Variants in AP1B1 observed in about 807,000 individuals in gnomAD.
AP1B1 encodes the protein AP-1 complex subunit beta-1.
In AP1B1, 36 loss-of-function variants were observed where a neutral mutation model predicts 104.3. That is an observed-to-expected ratio of 0.35 (90% CI 0.26 to 0.46). The LOEUF is 0.46. AP1B1 is among the 20% of genes least tolerant of loss of function. The pLI is 1.00. For missense variants in AP1B1, 901 were observed against 1,247.9 expected (o/e 0.72, Z 4.19); for synonymous variants, 504 against 517.5 (o/e 0.97, Z 0.35).
chr22:29,329,690 A>T, intron 22 of AP1B1, 22 bp downstream of exon 22: 2 of 1,613,392 alleles, frequency 1.2e-6, no homozygotes, highest in Non-Finnish European at 1.7e-6. Context: ...GCGGACGGGG[A>T]AAGAGAAAGC....
At chr22:29,330,045 T>C in intron 21 of AP1B1, 2 of 1,407,412 alleles carry the variant, frequency 1.4e-6, no homozygotes, top group African/African-American at 2.9e-5. Flanking sequence ...CAGCTGGACA[T>C]GCAGGCACTC....
In AP1B1 at chr22:29,328,915, C is replaced by A. The variant is rs368618656; in HGVS notation, c.2776-20G>T. The A allele has an allele frequency of 5.6e-6, 9 of 1,600,982 alleles. No homozygotes were observed. The highest frequency in any genetic ancestry group is 1.1e-5 in the South Asian group (1 of 88,486). On this transcript the variant is annotated intron_variant, in intron 22 of 22. Transcript: ENST00000357586. This position sits in a 1 kb window ranked among gnomAD's most constrained non-coding sequence, Gnocchi z 4.1. ...GGACAGCTGCAGGGGAGAGAGGGGTCGGGGGAAAGAGCGCTCATCCCTGGG... is the reference window on the plus strand; with the variant it reads ...GGACAGCTGCAGGGGAGAGAGGGGTAGGGGGAAAGAGCGCTCATCCCTGGG...
intron 5 of AP1B1, among the ~76,000 whole-genome samples, chr22:29,357,386 G>A (rs574996737): frequency 1.3e-5 from 2 of 152,000 alleles, no homozygotes; most frequent in Admixed American, 1.3e-4. Context: ...TTGTTTTTGA[G>A]ATTGAGTCTC....
At chr22:29,350,497 C>T (rs1446401510) in intron 9 of AP1B1, among the ~76,000 whole-genome samples, 6 of 152,170 alleles carry the variant, frequency 3.9e-5, no homozygotes, top group Non-Finnish European at 1.5e-5. Context: ...AAGGGGGCTC[C>T]TATGTCCAAA....
chr22:29,344,514 ATTTTTTTTTTT>A (rs35466454), intron 11 of AP1B1, among the ~76,000 whole-genome samples: 20 of 93,810 alleles, frequency 2.1e-4, no homozygotes, highest in South Asian at 1.0e-3. Context: ...CCTGGCCAAG[ATTTTTTTTTTT>A]TTTTTTTTTT....
chr22:29,358,024 A>G (rs1397963968), intron 5 of AP1B1, among the ~76,000 whole-genome samples: 1 of 151,974 alleles, frequency 6.6e-6, no homozygotes, highest in Non-Finnish European at 1.5e-5. Flanking sequence ...ATTGTTTCCA[A>G]CTTTTCTCTG....
chr22:29,341,826 T>C, intron 12 of AP1B1, 66 bp from the exon 13 acceptor site: 5 of 1,534,084 alleles, frequency 3.3e-6, no homozygotes, highest in Non-Finnish European at 4.4e-6. Context: ...GAGACCTTCC[T>C]GCAGCCATGA....
rs185391553 is a variant in AP1B1, at chr22:29,375,208, G to A, written c.-27-7938C>T. Among the ~76,000 whole-genome samples the A allele has an allele frequency of 6.9e-4, 40 of 58,090 alleles. 1 individual carries two copies. Among genetic ancestry groups the A allele is most frequent in the Middle Eastern group, 6.3e-3 (1 of 160 alleles). The allele number at this position is 58,090 out of a possible 152,430, so 38.1% of individuals were successfully genotyped here. On this transcript the variant is annotated intron_variant, in intron 1 of 22. Coordinates refer to ENST00000357586, the MANE Select transcript of AP1B1 (RefSeq NM_001127.4). ...TACTAAAAACACAAAAAAATTAGTC[G>A]GTGTGGTGGCACACGCCTGTAGTCC...
rs1183324698 is a variant in AP1B1, at chr22:29,349,375, C to A, written c.1280G>T (p.Ser427Ile). Reference sequence around the variant, plus strand: ...ATTCTCACACAGTGTGGCAATCACACTCTCATACCTGGGAGACCAGGGCAC... The same window carrying A: ...ATTCTCACACAGTGTGGCAATCACAATCTCATACCTGGGAGACCAGGGCAC... ...IFRKYPNKYE[S>I]VIATLCENLD... Residue 427 changes from serine to isoleucine, a missense_variant, in exon 11 of 23, where the codon AGT becomes ATT. Ser to Ile is a moderately radical substitution (Grantham distance 142). This residue lies in a region of AP1B1 where 471 missense variants were observed against 696.7 expected (regional missense o/e 0.68). Transcript: ENST00000357586. The A allele has an allele frequency of 3.1e-6, 5 of 1,613,764 alleles. No homozygotes were observed. The South Asian group carries it at 5.5e-5, about 18-fold the overall frequency.
At chr22:29,346,320 C>A (rs1170486518) in intron 11 of AP1B1, among the ~76,000 whole-genome samples, 1 of 152,226 alleles carries the variant, frequency 6.6e-6, no homozygotes, top group Non-Finnish European at 1.5e-5. Context: ...GGCAGAAGCA[C>A]ACCCCTACAG....
At chr22:29,329,550 A>C (rs2061525617) in intron 22 of AP1B1, 162 bp downstream of exon 22, 3 of 1,483,924 alleles carry the variant, frequency 2.0e-6, no homozygotes, top group Non-Finnish European at 2.7e-6. Flanking sequence ...AATGTGTGGA[A>C]GTGGGGTGTC....
intron 2 of AP1B1, among the ~76,000 whole-genome samples, chr22:29,365,476 A>T (rs1457369210): frequency 2.0e-5 from 3 of 151,978 alleles, no homozygotes; most frequent in Admixed American, 1.3e-4. Flanking sequence ...TGGGTGACAG[A>T]GACTCTGTCT....
chr22:29,371,101 T>C lies in AP1B1; in HGVS notation c.-27-3831A>G, dbSNP rs74533579. ...CAAAACAAAACACCTCACTTCACCA[T>C]GAATGATTCCCTACCTACAGCTTAG... On this transcript the variant is annotated intron_variant, in intron 1 of 22. Transcript: ENST00000357586. Among the ~76,000 whole-genome samples the C allele has an allele frequency of 7.0e-3, 1,070 of 152,304 alleles. 14 individuals carry two copies. The highest frequency in any genetic ancestry group is 0.024 in the African/African-American group (1,018 of 41,570).
chr22:29,345,538 AT>A (rs34676854), intron 11 of AP1B1, among the ~76,000 whole-genome samples: 2,957 of 132,804 alleles, frequency 0.022, 33 homozygotes, highest in South Asian at 0.047. Context: ...CACCCAGCTA[AT>A]TTTTTTTTTT....
chr22:29,364,497 C>A (rs557982342), intron 2 of AP1B1, among the ~76,000 whole-genome samples: 10 of 152,294 alleles, frequency 6.6e-5, no homozygotes, highest in African/African-American at 2.4e-4. Flanking sequence ...CAGCTCACTG[C>A]AACTTCTGCC....
intron 16 of AP1B1, among the ~76,000 whole-genome samples, chr22:29,335,899 C>A (rs560305543): frequency 1.3e-5 from 2 of 152,162 alleles, no homozygotes; most frequent in Non-Finnish European, 1.5e-5. Context: ...TGAGAGAGTA[C>A]GCAGAAGCTG....
intron 4 of AP1B1, among the ~76,000 whole-genome samples, chr22:29,359,365 C>A (rs2062009349): frequency 6.6e-6 from 1 of 152,164 alleles, no homozygotes. Context: ...CGAGCACGGA[C>A]AGGACTCAGG....
Position 29,356,474 on chromosome 22 carries a change from AG to A in AP1B1, c.667del (p.Leu223TrpfsTer38), listed in dbSNP as rs1337951362. 6.2e-7 allele frequency: 1 copy of A among 1,614,100 alleles called. No homozygotes were observed. Among genetic ancestry groups the A allele is most frequent in the Middle Eastern group, 1.6e-4 (1 of 6,084 alleles). On this transcript the variant is annotated frameshift_variant, in exon 6 of 23. Transcript: ENST00000357586. LOFTEE classifies it high-confidence loss of function. ...ECTEWGQIFILDCLANYMPKD... is the reference protein window; with the variant it reads ...ECTEWGQIFIXDCLANYMPKD... Reference sequence around the variant, plus strand: ...GGGCATATAGTTGGCGAGGCAGTCCAGGATGAAGATCTGGCCCCACTCGGTG... The same window carrying A: ...GGGCATATAGTTGGCGAGGCAGTCCAGATGAAGATCTGGCCCCACTCGGTG...
chr22:29,344,274 C>T (rs965722291), intron 11 of AP1B1, among the ~76,000 whole-genome samples: 2 of 152,140 alleles, frequency 1.3e-5, no homozygotes, highest in Non-Finnish European at 2.9e-5. Context: ...ACTGTCAGAT[C>T]TGCTGTGGTT....
Sources: gnomAD v4.1 joint callset for allele counts (sites outside exome capture counted in the v4.1 genomes callset) on GRCh38, gnomAD v4.1.1 for gene constraint, gnomAD v4.1.1 regional missense constraint, Gnocchi (gnomAD v3.1) non-coding constraint, MANE v1.5 for transcripts, NCBI Gene and HGNC (gene_info 2026-07-23, HGNC 2026-07-21) for gene names.